BTBD9: variants seen among roughly 807,000 people sequenced by gnomAD.
The protein encoded by BTBD9 is BTB domain containing 9, also known as BTB/POZ domain-containing protein 9.
A neutral mutation model predicts 64.3 loss-of-function variants in BTBD9; 49 were observed. That is an observed-to-expected ratio of 0.76 (90% CI 0.61 to 0.97). The LOEUF is 0.97. BTBD9 is among the 50% of genes least tolerant of loss of function. BTBD9 has a pLI of 0.00. For synonymous variants in BTBD9, 260 were observed against 274.7 expected, an observed-to-expected ratio of 0.95 and a Z score of 0.53; for missense variants, 598 against 762.1, an observed-to-expected ratio of 0.78 and a Z score of 2.53.
intron 4 of BTBD9, among the ~76,000 whole-genome samples, chr6:38,581,440 T>A (rs116535139): frequency 0.013 from 1,934 of 152,278 alleles, 39 homozygotes; most frequent in African/African-American, 0.043. Context: ...TTTTTAAAAA[T>A]GAAAATTGAT....
intron 6 of BTBD9, among the ~76,000 whole-genome samples, chr6:38,373,773 C>T (rs1765520854): frequency 6.6e-6 from 1 of 152,164 alleles, no homozygotes; most frequent in African/African-American, 2.4e-5. Context: ...AGCGAACCTC[C>T]TGCCTCAGCC....
chr6:38,276,947 G>A (rs996543070), intron 8 of BTBD9, among the ~76,000 whole-genome samples: 1 of 152,178 alleles, frequency 6.6e-6, no homozygotes, highest in African/African-American at 2.4e-5. Flanking sequence ...TATACAAGAA[G>A]AGCCAACTCT....
chr6:38,562,105 C>T (rs1200142248), intron 6 of BTBD9, among the ~76,000 whole-genome samples: 2 of 152,196 alleles, frequency 1.3e-5, no homozygotes, highest in Non-Finnish European at 2.9e-5. Flanking sequence ...GATGTGGACT[C>T]CTTCAGACCC....
At chr6:38,266,995 T>G (rs1765033303) in intron 8 of BTBD9, among the ~76,000 whole-genome samples, 2 of 152,216 alleles carry the variant, frequency 1.3e-5, no homozygotes, top group Admixed American at 1.3e-4. Context: ...AGCAAGGCCA[T>G]CTGCCTTGAT....
intron 1 of BTBD9, among the ~76,000 whole-genome samples, chr6:38,639,111 T>C (rs188404573): frequency 3.9e-5 from 6 of 152,304 alleles, no homozygotes; most frequent in East Asian, 1.9e-4. Context: ...CTGGGAAATA[T>C]AGCAAGATAA....
At chr6:38,336,356 T>C (rs1404307840) in intron 7 of BTBD9, among the ~76,000 whole-genome samples, 1 of 152,174 alleles carries the variant, frequency 6.6e-6, no homozygotes, top group East Asian at 1.9e-4. Flanking sequence ...CTGAGTAATT[T>C]AGTAAAGAAA....
At chr6:38,615,159 C>A (rs1777742064) in intron 1 of BTBD9, among the ~76,000 whole-genome samples, 1 of 152,220 alleles carries the variant, frequency 6.6e-6, no homozygotes, top group Non-Finnish European at 1.5e-5. Context: ...CTTCCATCAT[C>A]CAAGTGCAAC....
At chr6:38,524,168 A>C (rs1305492929) in intron 6 of BTBD9, among the ~76,000 whole-genome samples, 1 of 151,874 alleles carries the variant, frequency 6.6e-6, no homozygotes, top group Non-Finnish European at 1.5e-5. Flanking sequence ...AATATAAGAA[A>C]GTGACAGAAA....
chr6:38,330,307 C>A (rs186240818), intron 7 of BTBD9, among the ~76,000 whole-genome samples: 1 of 152,298 alleles, frequency 6.6e-6, no homozygotes, highest in East Asian at 1.9e-4. Flanking sequence ...CCCATATTGG[C>A]CTCCCAAAGT....
intron 4 of BTBD9, chr6:38,588,372 A>G (rs1776639784): frequency 1.2e-6 from 1 of 856,538 alleles, no homozygotes; most frequent in African/African-American, 1.7e-5. Flanking sequence ...CTGCCTCTCA[A>G]CCTAGAATGG....
At chr6:38,587,372 T>C (rs1189397927) in intron 4 of BTBD9, 4 of 477,206 alleles carry the variant, frequency 8.4e-6, no homozygotes, top group South Asian at 1.8e-5. Context: ...AAAGCTCAAC[T>C]TGGGGAGGAT....
intron 6 of BTBD9, among the ~76,000 whole-genome samples, chr6:38,480,260 G>A (rs537590969): frequency 1.2e-4 from 18 of 152,086 alleles, no homozygotes; most frequent in East Asian, 3.9e-4. Context: ...CCATAAATAC[G>A]GGGAGCAATG....
rs138431136 is a variant in BTBD9 at position 38,520,322 on chromosome 6, G to A, written c.1154+57278C>T. 3.8e-3 allele frequency among the ~76,000 whole-genome samples: 577 copies of A among 152,162 alleles called. 2 individuals are homozygous for A. Among genetic ancestry groups the A allele is most frequent in the African/African-American group, 0.012 (506 of 41,520 alleles). On this transcript the variant is annotated intron_variant, in intron 6 of 10. Transcript: ENST00000481247. Reference sequence around the variant, plus strand: ...TAAAATGAAATAAAATTAGCTGGGTGTGGTGACACGCATCTGTCGTCCCAG... The same window carrying A: ...TAAAATGAAATAAAATTAGCTGGGTATGGTGACACGCATCTGTCGTCCCAG...
At chr6:38,318,271 T>G (rs150633784) in intron 7 of BTBD9, among the ~76,000 whole-genome samples, 40 of 152,342 alleles carry the variant, frequency 2.6e-4, no homozygotes, top group African/African-American at 9.1e-4. Flanking sequence ...GTTGCCTTAT[T>G]TAATTCGTCT....
chr6:38,178,806 A>G (rs1012622273), intron 10 of BTBD9, among the ~76,000 whole-genome samples: 1 of 152,192 alleles, frequency 6.6e-6, no homozygotes, highest in Non-Finnish European at 1.5e-5. Flanking sequence ...CCTGGCCTTA[A>G]GCTGGGCAGG....
chr6:38,345,302 T>C (rs958526400), intron 6 of BTBD9, among the ~76,000 whole-genome samples: 1 of 152,222 alleles, frequency 6.6e-6, no homozygotes, highest in Non-Finnish European at 1.5e-5. Context: ...AAGGGACATG[T>C]CATTTTGCAG....
chr6:38,316,239 G>C (rs1330655157), intron 7 of BTBD9, among the ~76,000 whole-genome samples: 1 of 152,034 alleles, frequency 6.6e-6, no homozygotes, highest in African/African-American at 2.4e-5. Context: ...CAGATTGTTG[G>C]GTCTTGTTTG....
At chr6:38,193,752 T>A in intron 9 of BTBD9, 1 of 957,664 alleles carries the variant, frequency 1.0e-6, no homozygotes, top group Non-Finnish European at 1.2e-6. Flanking sequence ...GGAAGCTGTT[T>A]CCTGTAATTG....
At chr6:38,217,620 T>G (rs1321695316) in intron 9 of BTBD9, among the ~76,000 whole-genome samples, 1 of 151,992 alleles carries the variant, frequency 6.6e-6, no homozygotes, top group Non-Finnish European at 1.5e-5. Flanking sequence ...TGGAACAGAA[T>G]GTCTAACAGA....
Sources: gnomAD v4.1 joint callset for allele counts (sites outside exome capture counted in the v4.1 genomes callset) on GRCh38, gnomAD v4.1.1 for gene constraint, MANE v1.5 for transcripts, NCBI Gene and HGNC (gene_info 2026-07-23, HGNC 2026-07-21) for gene names.